SLC19A3: variants seen among roughly 807,000 people sequenced by gnomAD.
SLC19A3 encodes the protein thiamine transporter 2.
SLC19A3 carries 31 observed loss-of-function variants against 40.2 expected under a neutral mutation model. That is an observed-to-expected ratio of 0.77 (90% CI 0.58 to 1.04). The LOEUF (loss-of-function observed/expected upper bound fraction) is 1.04, where lower values mean the gene tolerates loss of function less well. SLC19A3 is among the 50% of genes least tolerant of loss of function. SLC19A3 has a pLI of 0.00. For synonymous variants in SLC19A3, 212 were observed against 227.5 expected, an observed-to-expected ratio of 0.93 and a Z score of 0.61; for missense variants, 592 against 596.7, an observed-to-expected ratio of 0.99 and a Z score of 0.08.
intron 1 of SLC19A3, chr2:227,714,759 G>A (rs1178787311): frequency 5.6e-6 from 1 of 179,424 alleles, no homozygotes; most frequent in African/African-American, 2.6e-5. Context: ...TGAAATACAA[G>A]TGATTAGAGA....
At chr2:227,713,231 G>A (rs1261953277) in intron 1 of SLC19A3, among the ~76,000 whole-genome samples, 3 of 97,784 alleles carry the variant, frequency 3.1e-5, no homozygotes, top group Admixed American at 1.3e-4. Flanking sequence ...GCAAGAACAC[G>A]GTTCTACAAA....
chr2:227,687,558 T>C lies in SLC19A3; in HGVS notation c.1330A>G (p.Ser444Gly). 1 of 1,613,920 alleles carries C rather than the reference T, an allele frequency of 6.2e-7. No homozygotes were observed. The highest frequency in any genetic ancestry group is 8.5e-7 in the Non-Finnish European group (1 of 1,179,932). ...PVSIQFLVYGSYFAVIAGIFL... is the reference protein window; with the variant it reads ...PVSIQFLVYGGYFAVIAGIFL... ...ATTCCAGCAATTACTGCAAAATAGC[T>C]CCCATAAACTAAAAACTGGAGAAAA... Residue 444 changes from serine (S) to glycine (G), a missense_variant, in exon 6 of 6, where the codon AGC becomes GGC. Physicochemically the swap from Ser to Gly is moderately conservative, Grantham distance 56. Transcript: ENST00000644224.
At position 227,703,744 on chromosome 2, in the gene SLC19A3, AAG is replaced by A. The variant is rs1695808607; in HGVS notation, c.-2-1426_-2-1425del. Among the ~76,000 whole-genome samples, 1 of 152,096 alleles carries A rather than the reference AAG, an allele frequency of 6.6e-6. No homozygotes were observed. Among genetic ancestry groups the A allele is most frequent in the Non-Finnish European group, 1.5e-5 (1 of 68,026 alleles). ...ATCACTGAGGCTTGGTCATCTTCTG[AAG>A]AGTGGTCTTGCTGGGGTAGCATCTG... On this transcript the variant is annotated intron_variant, in intron 1 of 5. Coordinates refer to ENST00000644224, the MANE Select transcript of SLC19A3 (RefSeq NM_025243.4). The surrounding 1 kb of genome is among the most constrained non-coding windows in gnomAD (Gnocchi z 4.7).
rs1694938649 is a variant in SLC19A3 at position 227,684,044 on chromosome 2, C to T, written c.*3353G>A. The T allele has an allele frequency of 3.9e-5, 6 of 152,254 alleles. No homozygotes were observed. Among genetic ancestry groups the T allele is most frequent in the Admixed American group, 3.9e-4 (6 of 15,284 alleles). 9.4% of individuals were successfully genotyped at this position (152,254 alleles called of 1,614,324 possible). A position where few individuals can be genotyped will look rare whatever the true frequency, so the allele number is the denominator to read the frequency against. On this transcript the variant is annotated 3_prime_UTR_variant, in exon 6 of 6. Transcript: ENST00000644224. ...GAACTCCTGAACTCAAGCAATCCAC[C>T]TACCTCAGCCTCCCAAAGTGCCAGG...
At chr2:227,691,955 A>C (rs1163399670) in intron 4 of SLC19A3, among the ~76,000 whole-genome samples, 1 of 152,192 alleles carries the variant, frequency 6.6e-6, no homozygotes, top group East Asian at 1.9e-4. Flanking sequence ...AGTATATGCC[A>C]ATAAATTGGA....
intron 4 of SLC19A3, 38 bp from the exon 5 acceptor site, chr2:227,688,345 T>C (rs1175860226): frequency 1.3e-6 from 2 of 1,594,252 alleles, no homozygotes; most frequent in East Asian, 2.2e-5. Context: ...AACTATAATA[T>C]ACATGGATGG....
chr2:227,709,776 G>T lies in SLC19A3; in HGVS notation c.-2-7456C>A, dbSNP rs575318341. Among the ~76,000 whole-genome samples the T allele has an allele frequency of 2.8e-4, 42 of 152,254 alleles. No individual in the cohort carries two copies. In the South Asian group the frequency reaches 8.7e-3, roughly 32 times the overall value. ...GAACAAGATATTGGGTGGGTGGAAA[G>T]AAATCACTTTATCAAGTCCTCGTCC... On this transcript the variant is annotated intron_variant, in intron 1 of 5. Coordinates refer to ENST00000644224, the MANE Select transcript of SLC19A3 (RefSeq NM_025243.4).
At chr2:227,716,906 A>G (rs749914262) in intron 1 of SLC19A3, among the ~76,000 whole-genome samples, 5 of 151,288 alleles carry the variant, frequency 3.3e-5, no homozygotes, top group Non-Finnish European at 7.4e-5. Context: ...TGGTCTATTT[A>G]ATATATGTGC....
intron 1 of SLC19A3, among the ~76,000 whole-genome samples, chr2:227,717,083 A>G (rs749043568): frequency 6.3e-5 from 9 of 141,850 alleles, no homozygotes; most frequent in Non-Finnish European, 1.2e-4. Context: ...GCTCACTGCA[A>G]CCTTCGCCTC....
chr2:227,701,829 T>G, intron 2 of SLC19A3: 1 of 215,776 alleles, frequency 4.6e-6, no homozygotes, highest in East Asian at 1.2e-4. Flanking sequence ...AGCCTGAGAG[T>G]TTATTTAGAT....
chr2:227,686,083 G>C lies in SLC19A3; in HGVS notation c.*1314C>G. The stretch of plus-strand genomic sequence containing the variant: ...GTGGTGGTGTGCACCCATAGTCCCA[G>C]CTACTTGGGAGGCTGAGGTAGGAGA... On this transcript the variant is annotated 3_prime_UTR_variant, in exon 6 of 6. Transcript: ENST00000644224. 1 of 438,736 alleles carries C rather than the reference G, an allele frequency of 2.3e-6. No homozygotes were observed. Among genetic ancestry groups the C allele is most frequent in the Non-Finnish European group, 4.6e-6 (1 of 218,782 alleles). 27.2% of individuals were successfully genotyped at this position (438,736 alleles called of 1,614,324 possible).
chr2:227,698,618 G>GA, intron 3 of SLC19A3, 118 bp downstream of exon 3: 4 of 971,786 alleles, frequency 4.1e-6, no homozygotes, highest in Non-Finnish European at 5.0e-6. Context: ...ATTCTTGACT[G>GA]AAAAAAGTTA....
At chr2:227,712,256 GAC>G (rs140233480) in intron 1 of SLC19A3, among the ~76,000 whole-genome samples, 2 of 151,406 alleles carry the variant, frequency 1.3e-5, no homozygotes, top group Non-Finnish European at 2.9e-5. Context: ...ACCACACACA[GAC>G]ACACACACAC....
At chr2:227,688,489 G>T (rs555181441) in intron 4 of SLC19A3, among the ~76,000 whole-genome samples, 182 bp from the exon 5 acceptor site, 1 of 152,140 alleles carries the variant, frequency 6.6e-6, no homozygotes, top group African/African-American at 2.4e-5. Flanking sequence ...TCTCTGTCTG[G>T]TAATCCAGAG....
At position 227,686,959 on chromosome 2, in the gene SLC19A3, G is replaced by C. The variant is rs962186958; in HGVS notation, c.*438C>G. 1 of 155,258 alleles carries C rather than the reference G, an allele frequency of 6.4e-6. No individual in the cohort carries two copies. The highest frequency in any genetic ancestry group is 6.3e-5 in the Admixed American group (1 of 15,792). The allele number at this position is 155,258 out of a possible 1,614,324, so 9.6% of individuals were successfully genotyped here. ...AGAAAATGGTTCATGTGACACAAAGGTCCCATGTGTTGACTTCTTTGGTAA... is the reference window on the plus strand; with the variant it reads ...AGAAAATGGTTCATGTGACACAAAGCTCCCATGTGTTGACTTCTTTGGTAA... On this transcript the variant is annotated 3_prime_UTR_variant, in exon 6 of 6. Coordinates refer to ENST00000644224, the MANE Select transcript of SLC19A3 (RefSeq NM_025243.4).
At chr2:227,708,411 C>A (rs553125864) in intron 1 of SLC19A3, among the ~76,000 whole-genome samples, 10 of 152,028 alleles carry the variant, frequency 6.6e-5, no homozygotes, top group African/African-American at 2.4e-4. Flanking sequence ...ATTGGCTTTT[C>A]CACTTTTAAC....
At position 227,708,904 on chromosome 2, in the gene SLC19A3, T is replaced by C. The variant is rs1169075663; in HGVS notation, c.-2-6584A>G. Among the ~76,000 whole-genome samples, 3 of 152,226 alleles carry C rather than the reference T, an allele frequency of 2.0e-5. No individual in the cohort carries two copies. The South Asian group carries it at 6.2e-4, about 32-fold the overall frequency. ...CTCCTGGGTTTGCTGCTGTATTTCC[T>C]TCAGTGAGTCTTATCTCAGAGTCAC... On this transcript the variant is annotated intron_variant, in intron 1 of 5. Coordinates refer to ENST00000644224, the MANE Select transcript of SLC19A3 (RefSeq NM_025243.4).
At chr2:227,707,744 T>TC (rs1696000423) in intron 1 of SLC19A3, among the ~76,000 whole-genome samples, 1 of 151,956 alleles carries the variant, frequency 6.6e-6, no homozygotes, top group South Asian at 2.1e-4. Flanking sequence ...TCTATTTTTT[T>TC]TGAGACAGAG....
chr2:227,702,627 G>A (rs761459204), intron 1 of SLC19A3: 3 of 343,554 alleles, frequency 8.7e-6, no homozygotes, highest in South Asian at 2.8e-5. Flanking sequence ...TCCTGACCTC[G>A]AGTGAGGAAA....
Sources: gnomAD v4.1 joint callset for allele counts (sites outside exome capture counted in the v4.1 genomes callset) on GRCh38, gnomAD v4.1.1 for gene constraint, Gnocchi (gnomAD v3.1) non-coding constraint, MANE v1.5 for transcripts, NCBI Gene and HGNC (gene_info 2026-07-23, HGNC 2026-07-21) for gene names.